Variants in STX17 observed in about 807,000 individuals in gnomAD.
STX17 encodes the protein syntaxin 17.
A neutral mutation model predicts 35.9 loss-of-function variants in STX17; 29 were observed. The observed-to-expected ratio is 0.81, with a 90% CI of 0.60 to 1.10. STX17 has a LOEUF of 1.10. Among genes scored for constraint, STX17 ranks in the 50% least tolerant of loss-of-function variants. The pLI is 0.00. For synonymous variants in STX17, 92 were observed against 118.3 expected, an observed-to-expected ratio of 0.78 and a Z score of 1.44; for missense variants, 312 against 352.3, an observed-to-expected ratio of 0.89 and a Z score of 0.92.
intron 3 of STX17, among the ~76,000 whole-genome samples, chr9:99,936,455 T>C (rs1222838091): frequency 1.3e-5 from 2 of 152,228 alleles, no homozygotes; most frequent in African/African-American, 4.8e-5. Context: ...TTCTGTTTTC[T>C]TTTGAATTTT....
At chr9:99,960,948 G>A (rs942030075) in intron 6 of STX17, among the ~76,000 whole-genome samples, 1 of 152,316 alleles carries the variant, frequency 6.6e-6, no homozygotes. Flanking sequence ...GTATTTGTAT[G>A]AGCCTTGAAA....
chr9:99,969,566 C>T lies in STX17; in HGVS notation c.*893C>T, dbSNP rs539675482. Reference sequence around the variant, plus strand: ...AAAAAGAAAAGAAAAAAAGAAATTTCGAGATATTTTCAACATTGTTAGAGT... The same window carrying T: ...AAAAAGAAAAGAAAAAAAGAAATTTTGAGATATTTTCAACATTGTTAGAGT... On this transcript the variant is annotated 3_prime_UTR_variant, in exon 8 of 8. Coordinates refer to ENST00000259400, the MANE Select transcript of STX17 (RefSeq NM_017919.3). The T allele has an allele frequency of 5.9e-5, 9 of 152,224 alleles. No individual in the cohort carries two copies. The highest frequency in any genetic ancestry group is 5.8e-4 in the East Asian group (3 of 5,192). The allele number at this position is 152,224 out of a possible 1,614,324, so 9.4% of individuals were successfully genotyped here.
chr9:99,947,208 C>T (rs1408123542), intron 3 of STX17, among the ~76,000 whole-genome samples: 3 of 151,890 alleles, frequency 2.0e-5, no homozygotes, highest in Admixed American at 1.3e-4. Flanking sequence ...TTGAACTGGG[C>T]CTAATATGAA....
intron 3 of STX17, among the ~76,000 whole-genome samples, chr9:99,949,950 C>CAA (rs1829559430): frequency 6.6e-6 from 1 of 151,402 alleles, no homozygotes; most frequent in Non-Finnish European, 1.5e-5. Flanking sequence ...TATACACACA[C>CAA]ACACACACAC....
chr9:99,930,734 A>G (rs1207284791), intron 3 of STX17, among the ~76,000 whole-genome samples: 2 of 151,670 alleles, frequency 1.3e-5, no homozygotes, highest in African/African-American at 2.4e-5. Context: ...TTTTTGCTTT[A>G]TTCTGTTGTT....
intron 3 of STX17, among the ~76,000 whole-genome samples, chr9:99,948,001 T>C (rs1180088588): frequency 6.6e-6 from 1 of 152,080 alleles, no homozygotes; most frequent in Non-Finnish European, 1.5e-5. Flanking sequence ...GTTCAACTTT[T>C]GAAGTAGCCA....
intron 3 of STX17, chr9:99,937,991 C>T (rs549399756): frequency 1.3e-5 from 2 of 152,164 alleles, no homozygotes; most frequent in African/African-American, 2.4e-5. Context: ...GGGGGCAAAA[C>T]CTTTTTGAGT....
chr9:99,941,651 C>G (rs1457466261), intron 3 of STX17, among the ~76,000 whole-genome samples: 1 of 152,148 alleles, frequency 6.6e-6, no homozygotes, highest in Non-Finnish European at 1.5e-5. Flanking sequence ...GAATCACTAT[C>G]TTGATTTATA....
intron 2 of STX17, among the ~76,000 whole-genome samples, chr9:99,920,651 G>A (rs561998520): frequency 6.6e-6 from 1 of 152,304 alleles, no homozygotes; most frequent in Admixed American, 6.5e-5. Flanking sequence ...CATGCAAAGA[G>A]ACAGTACCAA....
At chr9:99,966,146 T>G (rs1488358055) in intron 6 of STX17, among the ~76,000 whole-genome samples, 2 of 152,170 alleles carry the variant, frequency 1.3e-5, no homozygotes, top group African/African-American at 4.8e-5. Flanking sequence ...GATCAGAAAC[T>G]CCGGGGATTA....
chr9:99,916,236 G>A (rs1403005765), intron 2 of STX17: 2 of 343,230 alleles, frequency 5.8e-6, no homozygotes, highest in Non-Finnish European at 1.1e-5. Context: ...ATGCTCCGGT[G>A]AAGTGGCTGT....
At chr9:99,917,165 T>C (rs907988502) in intron 2 of STX17, among the ~76,000 whole-genome samples, 19 of 152,206 alleles carry the variant, frequency 1.2e-4, no homozygotes, top group African/African-American at 4.6e-4. Flanking sequence ...GTAGGTGATA[T>C]CATCTTAAGC....
At chr9:99,967,384 T>C (rs1829935246) in intron 6 of STX17, 1 of 262,524 alleles carries the variant, frequency 3.8e-6, no homozygotes, top group Admixed American at 4.8e-5. Context: ...GAGAATAATA[T>C]GTTTGTATGT....
At chr9:99,910,536 ATGT>A (rs1828638768) in intron 1 of STX17, among the ~76,000 whole-genome samples, 1 of 152,028 alleles carries the variant, frequency 6.6e-6, no homozygotes. Flanking sequence ...TTTTATTTTT[ATGT>A]TACTTTTTTC....
chr9:99,926,467 C>G (rs1013438775), intron 2 of STX17, among the ~76,000 whole-genome samples: 4 of 151,056 alleles, frequency 2.6e-5, no homozygotes, highest in African/African-American at 9.7e-5. Flanking sequence ...TTCTGAAACA[C>G]AGTTTCGTTG....
At position 99,959,776 on chromosome 9, in the gene STX17, T is replaced by G. The variant is rs1829790752; in HGVS notation, c.416-141T>G. On this transcript the variant is annotated intron_variant, in intron 4 of 7. Transcript: ENST00000259400. ...GCACCCAGCCAAACAATTCTATTTT[T>G]GTAGAATAATCAATTTCCTTTTAGC... 3 of 695,378 alleles carry G rather than the reference T, an allele frequency of 4.3e-6. No individual in the cohort carries two copies. In the African/African-American group the frequency reaches 5.4e-5, roughly 13 times the overall value. The allele number at this position is 695,378 out of a possible 1,614,324, so 43.1% of individuals were successfully genotyped here.
At chr9:99,927,777 G>C (rs546463226) in intron 2 of STX17, among the ~76,000 whole-genome samples, 1 of 152,096 alleles carries the variant, frequency 6.6e-6, no homozygotes, top group African/African-American at 2.4e-5. Context: ...GCGCCTGGCC[G>C]GTCTAATTGT....
At position 99,915,160 on chromosome 9, in the gene STX17, G is replaced by T. The variant is rs1828742083; in HGVS notation, c.-62-18G>T. ...AAACAGATTTGAAAACATTCTTAAA[G>T]AAATATTTTTCTTTTAGGTTTTTCT... On this transcript the variant is annotated intron_variant, in intron 1 of 7. Transcript: ENST00000259400. The T allele has an allele frequency of 1.4e-6, 2 of 1,423,712 alleles. No homozygotes were observed. The highest frequency in any genetic ancestry group is 2.5e-5 in the East Asian group (1 of 39,994). The allele number at this position is 1,423,712 out of a possible 1,614,324, so 88.2% of individuals were successfully genotyped here.
At chr9:99,915,954 A>T (rs142926083) in intron 2 of STX17, 1 of 443,202 alleles carries the variant, frequency 2.3e-6, no homozygotes, top group African/African-American at 2.0e-5. Context: ...AAAGGCAGAG[A>T]ACTTTGGCTA....
Sources: gnomAD v4.1 joint callset for allele counts (sites outside exome capture counted in the v4.1 genomes callset) on GRCh38, gnomAD v4.1.1 for gene constraint, MANE v1.5 for transcripts, NCBI Gene and HGNC (gene_info 2026-07-23, HGNC 2026-07-21) for gene names.